The following CLASP1 variants were observed in gnomAD, a reference collection of about 807,000 sequenced individuals.
The protein encoded by CLASP1 is cytoplasmic linker associated protein 1.
CLASP1 carries 38 observed loss-of-function variants against 192.3 expected under a neutral mutation model. The ratio of observed to expected loss-of-function variants is 0.20; its 90% confidence interval spans 0.15 to 0.26. The LOEUF is 0.26. Ranked by LOEUF, CLASP1 falls within the 10% of genes least tolerant of loss-of-function variation. The pLI, the probability that CLASP1 is intolerant of heterozygous loss-of-function variation, is 1.00. For missense variants in CLASP1, 1,433 were observed against 1,932.5 expected, an observed-to-expected ratio of 0.74 and a Z score of 4.85; for synonymous variants, 691 against 712.8, an observed-to-expected ratio of 0.97 and a Z score of 0.49.
intron 30 of CLASP1, among the ~76,000 whole-genome samples, chr2:121,388,749 T>C (rs1487139756): frequency 2.0e-5 from 3 of 152,214 alleles, no homozygotes; most frequent in African/African-American, 7.2e-5. Context: ...TAAATACTAA[T>C]TGGCATTTCT....
chr2:121,585,848 C>T (rs2061662373), intron 2 of CLASP1, among the ~76,000 whole-genome samples: 2 of 149,582 alleles, frequency 1.3e-5, no homozygotes, highest in South Asian at 2.1e-4. Flanking sequence ...TGCAGTGAGC[C>T]GAGATCGTGC....
intron 23 of CLASP1, among the ~76,000 whole-genome samples, chr2:121,417,286 A>C (rs545413142): frequency 1.3e-5 from 2 of 152,236 alleles, no homozygotes; most frequent in Non-Finnish European, 2.9e-5. Flanking sequence ...AGTATCAAAA[A>C]TAACAGTACA....
intron 37 of CLASP1, among the ~76,000 whole-genome samples, chr2:121,359,906 G>A (rs1026838768): frequency 6.6e-6 from 1 of 152,232 alleles, no homozygotes; most frequent in African/African-American, 2.4e-5. Context: ...CAATGTGTAA[G>A]AAACACATTC....
At chr2:121,521,124 A>G (rs770824841) in intron 6 of CLASP1, among the ~76,000 whole-genome samples, 4 of 152,194 alleles carry the variant, frequency 2.6e-5, no homozygotes, top group Non-Finnish European at 5.9e-5. Flanking sequence ...TATTAAGGTT[A>G]TGTTTTTGAA....
chr2:121,514,591 C>T (rs2094235342), intron 7 of CLASP1, among the ~76,000 whole-genome samples: 1 of 152,106 alleles, frequency 6.6e-6, no homozygotes, highest in African/African-American at 2.4e-5. Flanking sequence ...CCCATCTAAT[C>T]ATCCTGTGCA....
At chr2:121,379,703 C>T (rs890463547) in intron 33 of CLASP1, among the ~76,000 whole-genome samples, 4 of 152,094 alleles carry the variant, frequency 2.6e-5, no homozygotes, top group African/African-American at 4.8e-5. Context: ...TCTGGGGGAA[C>T]GTTCAAGTTT....
At chr2:121,341,678 C>G (rs2062803612) in intron 39 of CLASP1, among the ~76,000 whole-genome samples, 1 of 152,158 alleles carries the variant, frequency 6.6e-6, no homozygotes, top group South Asian at 2.1e-4. Context: ...AAAAAAGCTT[C>G]TGGAGATAAG....
intron 2 of CLASP1, among the ~76,000 whole-genome samples, chr2:121,562,752 G>A (rs180838230): frequency 1.3e-5 from 2 of 152,234 alleles, no homozygotes; most frequent in Admixed American, 1.3e-4. Flanking sequence ...TTCAGGTTTT[G>A]TCTTTCAATG....
At chr2:121,346,983 T>C in intron 39 of CLASP1, 55 bp downstream of exon 40, 1 of 1,124,876 alleles carries the variant, frequency 8.9e-7, no homozygotes, top group Non-Finnish European at 1.3e-6. Flanking sequence ...AATGGATTTA[T>C]GACAAGCTGG....
intron 8 of CLASP1, among the ~76,000 whole-genome samples, chr2:121,499,512 CAAA>C (rs58681666): frequency 0.24 from 31,827 of 132,118 alleles, 5,766 homozygotes; most frequent in African/African-American, 0.52. Flanking sequence ...TGTGAATATT[CAAA>C]AAAAAAAAAA....
chr2:121,373,099 C>T (rs1343519059), intron 34 of CLASP1, among the ~76,000 whole-genome samples: 3 of 152,140 alleles, frequency 2.0e-5, no homozygotes, highest in Non-Finnish European at 2.9e-5. Flanking sequence ...TTCCAATGTT[C>T]GGTGAGGAAC....
At chr2:121,633,683 C>T (rs770474074) in intron 1 of CLASP1, among the ~76,000 whole-genome samples, 2 of 152,104 alleles carry the variant, frequency 1.3e-5, no homozygotes, top group Admixed American at 6.6e-5. Context: ...GCTAGGTCCC[C>T]AGCCAACACT....
At chr2:121,406,558 G>C (rs2076937398) in intron 25 of CLASP1, among the ~76,000 whole-genome samples, 1 of 152,116 alleles carries the variant, frequency 6.6e-6, no homozygotes, top group Admixed American at 6.5e-5. Flanking sequence ...ATATCAAACA[G>C]AAGGGAACCA....
chr2:121,387,129 A>G (rs776334075), exon 32 of CLASP1: 1 of 1,613,406 alleles, frequency 6.2e-7, no homozygotes, highest in East Asian at 2.2e-5. Flanking sequence ...TACCTTGGAG[A>G]CAGACCCCCA....
At chr2:121,523,670 C>T (rs913307964) in intron 6 of CLASP1, among the ~76,000 whole-genome samples, 2 of 152,166 alleles carry the variant, frequency 1.3e-5, no homozygotes, top group African/African-American at 2.4e-5. Flanking sequence ...ATCTTTTGGG[C>T]GGGGAAATAC....
At chr2:121,404,487 G>T in intron 25 of CLASP1, 53 bp from the exon 27 acceptor site, 1 of 1,491,016 alleles carries the variant, frequency 6.7e-7, no homozygotes. Flanking sequence ...TTATTTTTGA[G>T]ACAGGGTCTC....
At chr2:121,644,552 G>C (rs1006438115) in intron 1 of CLASP1, among the ~76,000 whole-genome samples, 1 of 152,184 alleles carries the variant, frequency 6.6e-6, no homozygotes, top group African/African-American at 2.4e-5. Context: ...CTACTCAGGA[G>C]GCTGAGGCAG....
In CLASP1 at chr2:121,509,463, T is replaced by C. The variant is rs192794180; in HGVS notation, c.644+6202A>G. On this transcript the variant is annotated intron_variant, in intron 7 of 39. Coordinates refer to ENST00000263710, the Ensembl canonical transcript of CLASP1. ...GGATGGGATTACAGGCATGAGCCACTGGGCCTGCCTTACAGATTCTTTTCA... is the reference window on the plus strand; with the variant it reads ...GGATGGGATTACAGGCATGAGCCACCGGGCCTGCCTTACAGATTCTTTTCA... 2.0e-3 allele frequency among the ~76,000 whole-genome samples: 310 copies of C among 152,310 alleles called. 1 individual carries two copies. The highest frequency in any genetic ancestry group is 7.1e-3 in the African/African-American group (297 of 41,568).
chr2:121,388,079 T>C, intron 30 of CLASP1, 173 bp from the exon 32 acceptor site: 1 of 523,972 alleles, frequency 1.9e-6, no homozygotes, highest in Middle Eastern at 5.0e-4. Context: ...GCAGTCTGAC[T>C]TCAATCGGGA....
Sources: allele counts gnomAD v4.1 joint callset (sites outside exome capture counted in the v4.1 genomes callset), GRCh38; gene constraint gnomAD v4.1.1; transcripts MANE v1.5; gene names NCBI Gene and HGNC (gene_info 2026-07-23, HGNC 2026-07-21).